Variants in OR2L3 observed in about 807,000 individuals in gnomAD.
OR2L3 encodes the protein olfactory receptor 2L3.
For missense variants in OR2L3, 369 were observed against 376.6 expected (o/e 0.98, Z 0.17); for synonymous variants, 131 against 139.1 (o/e 0.94, Z 0.41).
chr1:248,054,700 G>A (rs1027496041), intron 1 of OR2L3, among the ~76,000 whole-genome samples: 10 of 152,020 alleles, frequency 6.6e-5, no homozygotes, highest in African/African-American at 2.2e-4. Context: ...TATCTTTGTG[G>A]CAATTATGAA....
intron 1 of OR2L3, among the ~76,000 whole-genome samples, chr1:248,055,111 C>G (rs1355751125): frequency 6.6e-6 from 1 of 152,082 alleles, no homozygotes; most frequent in Non-Finnish European, 1.5e-5. Flanking sequence ...GATGTATGTT[C>G]CTTAAATACC....
At chr1:248,054,582 G>A (rs1473496474) in intron 1 of OR2L3, among the ~76,000 whole-genome samples, 1 of 152,150 alleles carries the variant, frequency 6.6e-6, no homozygotes, top group Non-Finnish European at 1.5e-5. Context: ...AGTATGGAAT[G>A]TTTTTCCCTC....
At chr1:248,056,356 G>T (rs750100994) in intron 1 of OR2L3, among the ~76,000 whole-genome samples, 3 of 151,886 alleles carry the variant, frequency 2.0e-5, no homozygotes, top group Non-Finnish European at 4.4e-5. Flanking sequence ...ATCTCCTTCA[G>T]TTCCACCCTG....
At chr1:248,054,801 G>C (rs1053296960) in intron 1 of OR2L3, among the ~76,000 whole-genome samples, 1 of 152,176 alleles carries the variant, frequency 6.6e-6, no homozygotes, top group Non-Finnish European at 1.5e-5. Context: ...TGTATCCTGA[G>C]AGTTTGATGA....
intron 1 of OR2L3, among the ~76,000 whole-genome samples, chr1:248,055,253 G>A (rs74361170): frequency 0.033 from 5,058 of 152,204 alleles, 288 homozygotes; most frequent in African/African-American, 0.11. Context: ...ATTGATTTGT[G>A]TATGTACAAC....
At chr1:248,055,679 C>T (rs1264462748) in intron 1 of OR2L3, among the ~76,000 whole-genome samples, 4 of 152,224 alleles carry the variant, frequency 2.6e-5, no homozygotes, top group African/African-American at 7.2e-5. Flanking sequence ...ATCACTTAAA[C>T]CCAGGAGGCG....
chr1:248,048,921 C>CTT (rs201552371), intron 1 of OR2L3, among the ~76,000 whole-genome samples: 3,383 of 141,946 alleles, frequency 0.024, 148 homozygotes, highest in African/African-American at 0.09. Context: ...TTTTCTCTCT[C>CTT]TCTTTTTTTT....
chr1:248,059,812 G>A (rs1663564466), intron 1 of OR2L3, among the ~76,000 whole-genome samples: 1 of 152,152 alleles, frequency 6.6e-6, no homozygotes, highest in South Asian at 2.1e-4. Flanking sequence ...GCAAGGCCAA[G>A]ACAGGAGGAT....
At chr1:248,058,983 AC>A (rs1370203078) in intron 1 of OR2L3, among the ~76,000 whole-genome samples, 1 of 152,052 alleles carries the variant, frequency 6.6e-6, no homozygotes, top group African/African-American at 2.4e-5. Context: ...CCTTTATGTT[AC>A]CTGTTGCATC....
At chr1:248,053,209 G>T (rs1203021577) in intron 1 of OR2L3, among the ~76,000 whole-genome samples, 1 of 152,118 alleles carries the variant, frequency 6.6e-6, no homozygotes, top group Non-Finnish European at 1.5e-5. Flanking sequence ...GCAGTATTTA[G>T]TTTTCTGTTC....
In OR2L3 at chr1:248,060,811, A is replaced by C; in HGVS notation, c.130A>C (p.Met44Leu). Residue 44 changes from methionine to leucine, a missense_variant, in exon 2 of 2, where the codon ATG becomes CTG. Transcript: ENST00000359959. ...AATGGCTCTAATTGGAAACCTATCC[A>C]TGATTCTTCTCATCTTCTTGGACAC... Reference protein sequence around the residue: ...FLMALIGNLSMILLIFLDTHL... With the variant: ...FLMALIGNLSLILLIFLDTHL... 6.2e-7 allele frequency: 1 copy of C among 1,614,024 alleles called. No homozygotes were observed.
chr1:248,048,245 T>C (rs1456121955), intron 1 of OR2L3, among the ~76,000 whole-genome samples: 2 of 152,216 alleles, frequency 1.3e-5, no homozygotes, highest in Non-Finnish European at 2.9e-5. Context: ...AAAGCAAATA[T>C]TCACTTTATA....
In OR2L3 at chr1:248,061,625, A is replaced by G. The variant is rs1223927441; in HGVS notation, c.*5A>G. On this transcript the variant is annotated 3_prime_UTR_variant, in exon 2 of 2. Transcript: ENST00000359959. ...ATCTGCTCTGGGAAAATGTAGAAAC[A>G]TTTTCTACCTAAGGTCTCAGGACTC... The G allele has an allele frequency of 1.2e-6, 2 of 1,608,114 alleles. No homozygotes were observed. Among genetic ancestry groups the G allele is most frequent in the Non-Finnish European group, 8.5e-7 (1 of 1,176,904 alleles).
Position 248,061,368 on chromosome 1 carries a change from T to G in OR2L3, c.687T>G (p.Ser229=), listed in dbSNP as rs1663632277. Residue 229 remains serine, a synonymous_variant, in exon 2 of 2, where the codon TCT becomes TCG. Coordinates refer to ENST00000359959, the MANE Select transcript of OR2L3 (RefSeq NM_001004687.2). ...RVLLAVYHMK[S]AEGRKKAYLT... ...TCCTTGCTGTCTACCACATGAAATC[T>G]GCAGAAGGGAGGAAGAAAGCCTACC... The G allele has an allele frequency of 6.2e-7, 1 of 1,614,102 alleles. No homozygotes were observed. Among genetic ancestry groups the G allele is most frequent in the Middle Eastern group, 1.6e-4 (1 of 6,062 alleles).
chr1:248,060,611 C>A, intron 1 of OR2L3, 50 bp from the exon 2 acceptor site: 2 of 1,249,572 alleles, frequency 1.6e-6, no homozygotes, highest in Non-Finnish European at 2.3e-6. Flanking sequence ...GCATTCCCTG[C>A]AGATAAAGAC....
At position 248,049,368 on chromosome 1, in the gene OR2L3, G is replaced by A. The variant is rs377342534; in HGVS notation, c.-22+2488G>A. On this transcript the variant is annotated intron_variant, in intron 1 of 1. Coordinates refer to ENST00000359959, the MANE Select transcript of OR2L3 (RefSeq NM_001004687.2). The stretch of plus-strand genomic sequence containing the variant: ...TTTTGACTTCAAAAGTTAGTAATAG[G>A]TTCTTCATTTGAAACTTGGGCAGCA... Among the ~76,000 whole-genome samples, 6 of 152,286 alleles carry A rather than the reference G, an allele frequency of 3.9e-5. No individual in the cohort carries two copies. The East Asian group carries it at 7.7e-4, about 20-fold the overall frequency.
chr1:248,055,710 T>C (rs1279973576), intron 1 of OR2L3: 1 of 152,258 alleles, frequency 6.6e-6, no homozygotes. Context: ...TGAGCTGAGA[T>C]TGTGCCACTG....
In OR2L3 at chr1:248,047,523, C is replaced by T. The variant is rs896899718; in HGVS notation, c.-22+643C>T. Among the ~76,000 whole-genome samples the T allele has an allele frequency of 3.3e-5, 5 of 152,006 alleles. No homozygotes were observed. In the East Asian group the frequency reaches 7.7e-4, roughly 23 times the overall value. The stretch of plus-strand genomic sequence containing the variant: ...TCTGGAAATCAATAATGAAGGTAAC[C>T]GTATGATTAGTAGCTGTGCTATAGG... On this transcript the variant is annotated intron_variant, in intron 1 of 1. Coordinates refer to ENST00000359959, the MANE Select transcript of OR2L3 (RefSeq NM_001004687.2).
Position 248,063,368 on chromosome 1 carries a change from C to T in OR2L3, c.*1748C>T, listed in dbSNP as rs1663704371. ...TTTAAATGTCATTTCTATTTCTAAG[C>T]CTGTGGATATTTGTTTTACCATATT... is the stretch of plus-strand genomic sequence containing the variant. On this transcript the variant is annotated 3_prime_UTR_variant, in exon 2 of 2. Transcript: ENST00000359959. 6.6e-6 allele frequency: 1 copy of T among 152,150 alleles called. No homozygotes were observed. Among genetic ancestry groups the T allele is most frequent in the Non-Finnish European group, 1.5e-5 (1 of 68,026 alleles). The allele number at this position is 152,150 out of a possible 1,614,324, so 9.4% of individuals were successfully genotyped here.
Sources: gnomAD v4.1 joint callset for allele counts (sites outside exome capture counted in the v4.1 genomes callset) on GRCh38, gnomAD v4.1.1 for gene constraint, MANE v1.5 for transcripts, NCBI Gene and HGNC (gene_info 2026-07-23, HGNC 2026-07-21) for gene names.